The following FHOD3 variants were observed in gnomAD, a reference collection of about 807,000 sequenced individuals.
FHOD3 encodes FH1/FH2 domain-containing protein 3.
FHOD3 carries 90 observed loss-of-function variants against 173.0 expected under a neutral mutation model. The observed-to-expected ratio is 0.52, with a 90% confidence interval of 0.44 to 0.62. The LOEUF (loss-of-function observed/expected upper bound fraction) is 0.62, where lower values mean the gene tolerates loss of function less well. Ranked by LOEUF, FHOD3 falls within the 20% of genes least tolerant of loss-of-function variation. The pLI is 0.00. For missense variants in FHOD3, 1,945 were observed against 2,034.7 expected (o/e 0.96, Z 0.85); for synonymous variants, 828 against 823.0 (o/e 1.01, Z -0.10).
In FHOD3 at chr18:36,612,077, G is replaced by T; in HGVS notation, c.939G>T (p.Glu313Asp). 2 of 1,613,872 alleles carry T rather than the reference G, an allele frequency of 1.2e-6. No homozygotes were observed. Among genetic ancestry groups the T allele is most frequent in the Non-Finnish European group, 1.7e-6 (2 of 1,179,922 alleles). ...AAGGGACTGACCTGGACTTAGTGGA[G>T]CAACTCAACATTTATGAGGTACCAG... is the stretch of plus-strand genomic sequence containing the variant. ...NKKGTDLDLV[E>D]QLNIYEVALR... Residue 313 changes from glutamate (E) to aspartate (D), a missense_variant, in exon 9 of 29, where the codon GAG becomes GAT. Physicochemically the swap from Glu to Asp is conservative, Grantham distance 45. Transcript: ENST00000590592.
At chr18:36,298,642 C>T (rs1276462651) in intron 1 of FHOD3, among the ~76,000 whole-genome samples, 2 of 152,036 alleles carry the variant, frequency 1.3e-5, no homozygotes, top group East Asian at 3.9e-4. Flanking sequence ...GAGGAGCAGT[C>T]GCTGTGGGAG....
At chr18:36,481,438 A>T (rs1278162733) in intron 3 of FHOD3, among the ~76,000 whole-genome samples, 1 of 130,552 alleles carries the variant, frequency 7.7e-6, no homozygotes, top group African/African-American at 2.9e-5. Flanking sequence ...GGGCTGGGGA[A>T]AAGGCAGACA....
intron 5 of FHOD3, among the ~76,000 whole-genome samples, chr18:36,561,276 C>T (rs1235196122): frequency 6.6e-6 from 1 of 152,154 alleles, no homozygotes; most frequent in Non-Finnish European, 1.5e-5. Flanking sequence ...ATTACAGCTG[C>T]TGGGGAATAG....
At chr18:36,420,830 G>T (rs2049948166) in intron 3 of FHOD3, among the ~76,000 whole-genome samples, 1 of 152,198 alleles carries the variant, frequency 6.6e-6, no homozygotes, top group Non-Finnish European at 1.5e-5. Flanking sequence ...TGGTGGCAGT[G>T]CAGGATAATA....
chr18:36,528,530 C>G (rs2056633173), intron 5 of FHOD3, among the ~76,000 whole-genome samples: 1 of 152,144 alleles, frequency 6.6e-6, no homozygotes, highest in South Asian at 2.1e-4. Context: ...ATGTCCTTGT[C>G]CCTCGCTTCA....
chr18:36,751,288 G>T (rs1033574048), intron 24 of FHOD3, among the ~76,000 whole-genome samples: 3 of 152,200 alleles, frequency 2.0e-5, no homozygotes, highest in African/African-American at 7.2e-5. Context: ...CTTGACTGTT[G>T]TTGGTGTGTA....
At chr18:36,768,116 G>T (rs930401991) in intron 27 of FHOD3, among the ~76,000 whole-genome samples, 9 of 152,192 alleles carry the variant, frequency 5.9e-5, no homozygotes, top group Admixed American at 5.2e-4. Context: ...TCACCTACAG[G>T]TTTTTGAAGT....
chr18:36,598,046 C>T (rs1403217101), intron 7 of FHOD3, among the ~76,000 whole-genome samples: 2 of 152,064 alleles, frequency 1.3e-5, no homozygotes, highest in African/African-American at 4.8e-5. Context: ...GGTGTGTTTC[C>T]ATCTAGTGGG....
intron 20 of FHOD3, among the ~76,000 whole-genome samples, chr18:36,733,130 A>G (rs2041456275): frequency 6.6e-6 from 1 of 152,234 alleles, no homozygotes; most frequent in Non-Finnish European, 1.5e-5. Context: ...CTGTTTAGAT[A>G]AACTCCCCCA....
chr18:36,539,838 G>A (rs1489087571), intron 5 of FHOD3, among the ~76,000 whole-genome samples: 1 of 152,168 alleles, frequency 6.6e-6, no homozygotes, highest in Non-Finnish European at 1.5e-5. Context: ...CAGCAGTGAT[G>A]ATTCAGAACA....
chr18:36,591,729 G>A (rs2059223033), intron 6 of FHOD3, among the ~76,000 whole-genome samples: 1 of 148,738 alleles, frequency 6.7e-6, no homozygotes, highest in Non-Finnish European at 1.5e-5. Flanking sequence ...ACCAGTCTGG[G>A]CAACATAGAG....
chr18:36,539,622 C>G (rs887402224), intron 5 of FHOD3, among the ~76,000 whole-genome samples: 5 of 152,076 alleles, frequency 3.3e-5, no homozygotes, highest in African/African-American at 4.8e-5. Flanking sequence ...GGCTCTTGGC[C>G]AAGTTGTGAT....
intron 20 of FHOD3, among the ~76,000 whole-genome samples, chr18:36,735,568 A>G (rs2041589044): frequency 6.6e-6 from 1 of 152,240 alleles, no homozygotes; most frequent in Non-Finnish European, 1.5e-5. Flanking sequence ...GTTTGATACA[A>G]TAATTTCTGC....
At chr18:36,765,058 A>G in intron 27 of FHOD3, among the ~76,000 whole-genome samples, 1 of 152,160 alleles carries the variant, frequency 6.6e-6, no homozygotes, top group Non-Finnish European at 1.5e-5. Flanking sequence ...AGAGATTGAA[A>G]TTGAGAGGAG....
At chr18:36,459,599 A>G (rs2052430981) in intron 3 of FHOD3, among the ~76,000 whole-genome samples, 1 of 152,188 alleles carries the variant, frequency 6.6e-6, no homozygotes, top group South Asian at 2.1e-4. Flanking sequence ...CAGGCCTTGG[A>G]GAAAGGGAAG....
At chr18:36,524,318 G>A (rs567797401) in intron 5 of FHOD3, among the ~76,000 whole-genome samples, 1 of 152,042 alleles carries the variant, frequency 6.6e-6, no homozygotes, top group African/African-American at 2.4e-5. Flanking sequence ...AGTTGATGCG[G>A]GTGACTAGCA....
At chr18:36,552,425 A>G (rs2057696046) in intron 5 of FHOD3, among the ~76,000 whole-genome samples, 1 of 152,064 alleles carries the variant, frequency 6.6e-6, no homozygotes, top group South Asian at 2.1e-4. Flanking sequence ...CTAAATATAC[A>G]ATCATGTCAT....
chr18:36,479,232 G>GA (rs892726495), intron 3 of FHOD3, among the ~76,000 whole-genome samples: 3 of 152,174 alleles, frequency 2.0e-5, no homozygotes, highest in Non-Finnish European at 4.4e-5. Flanking sequence ...CCTTAAATGT[G>GA]AAAAAATTTA....
Position 36,297,714 on chromosome 18 carries a change from A to T in FHOD3, c.-122A>T. The T allele has an allele frequency of 3.9e-6, 2 of 507,106 alleles. No homozygotes were observed. Among genetic ancestry groups the T allele is most frequent in the Non-Finnish European group, 5.4e-6 (2 of 368,954 alleles). 31.4% of individuals were successfully genotyped at this position (507,106 alleles called of 1,614,324 possible). ...CCCGGGCTGCAGCCCGGCGCGCCTG[A>T]GCCTGCGAGTCCGCGAGCCAGCGAG... On this transcript the variant is annotated 5_prime_UTR_variant, in exon 1 of 29. Transcript: ENST00000590592.
Sources: allele counts gnomAD v4.1 joint callset (sites outside exome capture counted in the v4.1 genomes callset), GRCh38; gene constraint gnomAD v4.1.1; transcripts MANE v1.5; gene names NCBI Gene and HGNC (gene_info 2026-07-23, HGNC 2026-07-21).